Variants in RNGTT observed in about 807,000 individuals in gnomAD.
RNGTT encodes RNA guanylyltransferase and 5'-phosphatase, also known as mRNA-capping enzyme.
In RNGTT, 33 loss-of-function variants were observed where a neutral mutation model predicts 79.3. The ratio of observed to expected loss-of-function variants is 0.42; its 90% CI spans 0.32 to 0.56. RNGTT has a LOEUF of 0.56. RNGTT is among the 20% of genes least tolerant of loss of function. RNGTT has a pLI of 0.17. For synonymous variants in RNGTT, 222 were observed against 235.9 expected (o/e 0.94, Z 0.54); for missense variants, 497 against 739.1 (o/e 0.67, Z 3.80).
intron 6 of RNGTT, among the ~76,000 whole-genome samples, chr6:88,901,984 C>A (rs1327758309): frequency 1.3e-5 from 2 of 151,972 alleles, no homozygotes; most frequent in Admixed American, 6.6e-5. Flanking sequence ...GAAAGAGCAG[C>A]AGAAAGGGTA....
intron 2 of RNGTT, among the ~76,000 whole-genome samples, chr6:88,931,033 G>A (rs549205380): frequency 6.6e-6 from 1 of 152,074 alleles, no homozygotes; most frequent in Admixed American, 6.6e-5. Flanking sequence ...ATACTTACAG[G>A]TTGAGCAATC....
intron 5 of RNGTT, 29 bp from the exon 6 acceptor site, chr6:88,904,984 C>T (rs1232477462): frequency 6.2e-7 from 1 of 1,606,366 alleles, no homozygotes; most frequent in South Asian, 1.1e-5. Flanking sequence ...ATGCAATTTC[C>T]TCGCTATCCT....
Position 88,956,382 on chromosome 6 carries a change from G to C in RNGTT, c.64+6964C>G, listed in dbSNP as rs568157687. On this transcript the variant is annotated intron_variant, in intron 1 of 15. Transcript: ENST00000369485. The stretch of plus-strand genomic sequence containing the variant: ...AAAAACTGCCAAGAAAAAAGTCCAA[G>C]AAAACAAAAATAAATTAATTAAATT... Among the ~76,000 whole-genome samples the C allele has an allele frequency of 2.6e-5, 4 of 151,724 alleles. No individual in the cohort carries two copies. In the South Asian group the frequency reaches 8.3e-4, roughly 32 times the overall value.
At chr6:88,918,734 A>G (rs372636553) in intron 4 of RNGTT, among the ~76,000 whole-genome samples, 9 of 152,208 alleles carry the variant, frequency 5.9e-5, no homozygotes, top group African/African-American at 2.2e-4. Context: ...AGCCACACAA[A>G]GATGTGCACT....
chr6:88,709,026 T>C (rs986842239), intron 13 of RNGTT, among the ~76,000 whole-genome samples: 4 of 152,044 alleles, frequency 2.6e-5, no homozygotes, highest in African/African-American at 4.8e-5. Context: ...ATTATGAGGA[T>C]TGGCCAGGTG....
chr6:88,618,805 C>T lies in RNGTT; in HGVS notation c.1507-4410G>A, dbSNP rs181655285. ...AGTACTTCTCAAGATTTTAAATTAGCAGCTCAAAGAAAAGTTTCACTTATT... is the reference window on the plus strand; with the variant it reads ...AGTACTTCTCAAGATTTTAAATTAGTAGCTCAAAGAAAAGTTTCACTTATT... On this transcript the variant is annotated intron_variant, in intron 14 of 15. Transcript: ENST00000369485. Among the ~76,000 whole-genome samples, 320 of 152,272 alleles carry T rather than the reference C, an allele frequency of 2.1e-3. 1 individual carries two copies. Among genetic ancestry groups the T allele is most frequent in the African/African-American group, 7.5e-3 (310 of 41,554 alleles).
At chr6:88,814,162 G>C (rs1780237510) in intron 11 of RNGTT, among the ~76,000 whole-genome samples, 1 of 151,978 alleles carries the variant, frequency 6.6e-6, no homozygotes, top group Non-Finnish European at 1.5e-5. Flanking sequence ...ATTATGAAAG[G>C]GGTAAGATTT....
intron 14 of RNGTT, among the ~76,000 whole-genome samples, chr6:88,663,128 C>T (rs1388834500): frequency 6.6e-6 from 1 of 152,088 alleles, no homozygotes; most frequent in East Asian, 1.9e-4. Context: ...TGACCTTTTG[C>T]CCCTTTTTCC....
chr6:88,963,589 A>C lies in RNGTT; in HGVS notation c.-180T>G. On this transcript the variant is annotated 5_prime_UTR_variant, in exon 1 of 16. Transcript: ENST00000369485. ...GGCGCGCCACTTTCATTCAGGATCA[A>C]CTCCACAGCTCCAGGAGAACCCACA... 1 of 541,060 alleles carries C rather than the reference A, an allele frequency of 1.8e-6. No individual in the cohort carries two copies. The highest frequency in any genetic ancestry group is 3.2e-6 in the Non-Finnish European group (1 of 315,190). The allele number at this position is 541,060 out of a possible 1,614,324, so 33.5% of individuals were successfully genotyped here. A position where few individuals can be genotyped will look rare whatever the true frequency, so the allele number is the denominator to read the frequency against.
chr6:88,840,603 TGCCCAG>T (rs995357394), intron 11 of RNGTT, among the ~76,000 whole-genome samples: 2 of 152,204 alleles, frequency 1.3e-5, no homozygotes, highest in African/African-American at 4.8e-5. Flanking sequence ...TTTGCCATGT[TGCCCAG>T]GCTGGTCTCG....
intron 14 of RNGTT, among the ~76,000 whole-genome samples, chr6:88,675,958 G>A (rs1582314839): frequency 1.3e-5 from 2 of 152,098 alleles, no homozygotes; most frequent in Admixed American, 6.5e-5. Flanking sequence ...TGGAATATTC[G>A]ATATTGCTAA....
intron 11 of RNGTT, among the ~76,000 whole-genome samples, chr6:88,818,575 C>A (rs1317921823): frequency 6.6e-6 from 1 of 151,998 alleles, no homozygotes; most frequent in Admixed American, 6.6e-5. Flanking sequence ...AACTCCGACT[C>A]ATAGAAAAAA....
At chr6:88,889,620 T>C (rs1390008800) in intron 8 of RNGTT, among the ~76,000 whole-genome samples, 1 of 152,208 alleles carries the variant, frequency 6.6e-6, no homozygotes, top group African/African-American at 2.4e-5. Flanking sequence ...TCTATGTTAA[T>C]ATCTGTTAAA....
At chr6:88,944,575 C>G (rs1016079119) in intron 1 of RNGTT, among the ~76,000 whole-genome samples, 2 of 151,938 alleles carry the variant, frequency 1.3e-5, no homozygotes, top group Non-Finnish European at 2.9e-5. Flanking sequence ...ACATCTTCAG[C>G]ATCTCAGACA....
intron 9 of RNGTT, among the ~76,000 whole-genome samples, chr6:88,850,513 C>T (rs982953305): frequency 2.6e-5 from 4 of 151,834 alleles, no homozygotes. Flanking sequence ...AATTATTTTT[C>T]TTTCCTCATA....
intron 12 of RNGTT, among the ~76,000 whole-genome samples, chr6:88,786,161 C>G (rs1391178440): frequency 2.6e-5 from 4 of 152,024 alleles, no homozygotes; most frequent in Non-Finnish European, 4.4e-5. Flanking sequence ...GTTTTTATTT[C>G]ATAGTGATAG....
intron 4 of RNGTT, among the ~76,000 whole-genome samples, chr6:88,907,964 G>A (rs111266627): frequency 4.6e-5 from 7 of 151,992 alleles, no homozygotes; most frequent in African/African-American, 1.7e-4. Flanking sequence ...CAAACTCATG[G>A]GATCAAGCAA....
chr6:88,698,321 T>C (rs1183630604), intron 13 of RNGTT, among the ~76,000 whole-genome samples: 1 of 141,352 alleles, frequency 7.1e-6, no homozygotes, highest in Admixed American at 7.4e-5. Flanking sequence ...ATATGAAATA[T>C]ATATGAATTT....
At chr6:88,639,900 T>C (rs1265956245) in intron 14 of RNGTT, among the ~76,000 whole-genome samples, 1 of 152,042 alleles carries the variant, frequency 6.6e-6, no homozygotes, top group Non-Finnish European at 1.5e-5. Flanking sequence ...GAGAAAAAAA[T>C]AGTTTGCCCC....
Sources: allele counts gnomAD v4.1 joint callset (sites outside exome capture counted in the v4.1 genomes callset), GRCh38; gene constraint gnomAD v4.1.1; transcripts MANE v1.5; gene names NCBI Gene and HGNC (gene_info 2026-07-23, HGNC 2026-07-21).